ARHGEF7: variants seen among roughly 807,000 people sequenced by gnomAD.
ARHGEF7 encodes PAK-interacting exchange factor beta.
In ARHGEF7, 33 loss-of-function variants were observed where a neutral mutation model predicts 109.8. That is an observed-to-expected ratio of 0.30 (90% CI 0.23 to 0.40). ARHGEF7 has a LOEUF of 0.40. ARHGEF7 is among the 10% of genes least tolerant of loss of function. ARHGEF7 has a pLI of 1.00. For missense variants in ARHGEF7, 938 were observed against 1,098.5 expected (o/e 0.85, Z 2.07); for synonymous variants, 458 against 424.6 (o/e 1.08, Z -0.97).
At chr13:111,143,259 C>T (rs1377484336) in intron 1 of ARHGEF7, among the ~76,000 whole-genome samples, 1 of 152,194 alleles carries the variant, frequency 6.6e-6, no homozygotes, top group Non-Finnish European at 1.5e-5. Context: ...GAACAGACTG[C>T]TTGTGCTGAG....
intron 3 of ARHGEF7, among the ~76,000 whole-genome samples, chr13:111,206,104 T>C (rs1399487127): frequency 6.6e-6 from 1 of 152,090 alleles, no homozygotes; most frequent in Non-Finnish European, 1.5e-5. Context: ...AGAGTAATTT[T>C]TTTTTCCTAT....
chr13:111,267,992 A>C (rs2091811170), intron 9 of ARHGEF7, among the ~76,000 whole-genome samples: 2 of 152,208 alleles, frequency 1.3e-5, no homozygotes, highest in Admixed American at 1.3e-4. Context: ...AGTTCTTAAA[A>C]CTGGAAGTAC....
intron 1 of ARHGEF7, among the ~76,000 whole-genome samples, chr13:111,120,759 C>A (rs1036068431): frequency 2.0e-5 from 3 of 152,180 alleles, no homozygotes; most frequent in African/African-American, 7.2e-5. Context: ...AGATGTCTGC[C>A]CAGCATGGCA....
At chr13:111,275,397 C>T (rs574364374) in intron 11 of ARHGEF7, 135 bp from the exon 12 acceptor site, 54 of 1,009,400 alleles carry the variant, frequency 5.3e-5, no homozygotes, top group East Asian at 1.0e-4. Flanking sequence ...TTAAGCAAAT[C>T]GCTCAATAAA....
At chr13:111,237,050 G>A (rs745485629) in intron 6 of ARHGEF7, among the ~76,000 whole-genome samples, 1 of 152,162 alleles carries the variant, frequency 6.6e-6, no homozygotes, top group Non-Finnish European at 1.5e-5. Flanking sequence ...TCAAAGAGAG[G>A]GCTGGGGAGG....
intron 5 of ARHGEF7, among the ~76,000 whole-genome samples, chr13:111,221,712 T>TCTAG (rs2084426924): frequency 6.7e-6 from 1 of 148,632 alleles, no homozygotes; most frequent in African/African-American, 2.5e-5. Flanking sequence ...TCTATCTGTA[T>TCTAG]CTATCTATAT....
At chr13:111,176,654 G>A (rs941050806) in intron 2 of ARHGEF7, among the ~76,000 whole-genome samples, 9 of 152,304 alleles carry the variant, frequency 5.9e-5, no homozygotes, top group East Asian at 5.8e-4. Flanking sequence ...CCCCGCGTGC[G>A]GACGTTTGTC....
intron 19 of ARHGEF7, among the ~76,000 whole-genome samples, chr13:111,298,501 T>C (rs2093475902): frequency 6.6e-6 from 1 of 152,184 alleles, no homozygotes; most frequent in African/African-American, 2.4e-5. Context: ...CCGTGGCCTC[T>C]TGGAGCACAG....
rs74908434 is a variant in ARHGEF7 at position 111,251,351 on chromosome 13, G to A, written c.950+7057G>A. 3.6e-3 allele frequency among the ~76,000 whole-genome samples: 545 copies of A among 152,246 alleles called. 4 individuals carry two copies. Among genetic ancestry groups the A allele is most frequent in the Middle Eastern group, 6.8e-3 (2 of 294 alleles). On this transcript the variant is annotated intron_variant, in intron 8 of 21. Coordinates refer to ENST00000646102, the MANE Select transcript of ARHGEF7 (RefSeq NM_001354046.2). Reference sequence around the variant, plus strand: ...GAGAGGAGTGGAACAGTAGGAGCCCGGACGGGCAGGCGAGATCAGGTCCTG... The same window carrying A: ...GAGAGGAGTGGAACAGTAGGAGCCCAGACGGGCAGGCGAGATCAGGTCCTG...
At chr13:111,219,195 C>G (rs368232031) in intron 5 of ARHGEF7, among the ~76,000 whole-genome samples, 15 of 152,218 alleles carry the variant, frequency 9.9e-5, no homozygotes, top group Non-Finnish European at 1.8e-4. Context: ...AGCCCCTGCC[C>G]TCTACCATTC....
chr13:111,215,728 A>G (rs2083046399), intron 4 of ARHGEF7, among the ~76,000 whole-genome samples: 1 of 152,200 alleles, frequency 6.6e-6, no homozygotes, highest in Non-Finnish European at 1.5e-5. Flanking sequence ...ATTCAAACAC[A>G]TTAATTTTTC....
Position 111,275,684 on chromosome 13 carries a change from G to A in ARHGEF7, c.1419+6G>A, listed in dbSNP as rs2092433851. On this transcript the variant is annotated splice_donor_region_variant and intron_variant, in intron 12 of 21. Coordinates refer to ENST00000646102, the MANE Select transcript of ARHGEF7 (RefSeq NM_001354046.2). ...TTCAGTGTGCCGGAAGTGAGGTACT[G>A]CTGCCCACATGCACGCACCAGGGTT... 6.2e-7 allele frequency: 1 copy of A among 1,613,956 alleles called. No individual in the cohort carries two copies. The highest frequency in any genetic ancestry group is 1.7e-5 in the Admixed American group (1 of 60,010).
At chr13:111,147,850 A>G (rs1278020144) in intron 1 of ARHGEF7, among the ~76,000 whole-genome samples, 1 of 151,510 alleles carries the variant, frequency 6.6e-6, no homozygotes, top group Non-Finnish European at 1.5e-5. Context: ...GGCGCCCGCC[A>G]CTACACCCGG....
At chr13:111,179,032 C>T (rs1269624568) in intron 2 of ARHGEF7, among the ~76,000 whole-genome samples, 4 of 150,848 alleles carry the variant, frequency 2.7e-5, no homozygotes, top group East Asian at 1.9e-4. Context: ...GGTGAACATC[C>T]GTGTGCCCTT....
intron 2 of ARHGEF7, among the ~76,000 whole-genome samples, chr13:111,160,514 T>G (rs564370155): frequency 4.2e-4 from 64 of 152,330 alleles, no homozygotes; most frequent in Non-Finnish European, 8.8e-4. Context: ...GATCTCATCT[T>G]GAATTGTAAT....
At chr13:111,143,408 A>G (rs775281701) in intron 1 of ARHGEF7, 8 of 152,234 alleles carry the variant, frequency 5.3e-5, no homozygotes, top group Admixed American at 1.3e-4. Flanking sequence ...GGCAATAAGA[A>G]AATAATCACC....
In ARHGEF7 at chr13:111,225,384, G is replaced by A. The variant is rs549353243; in HGVS notation, c.670+7504G>A. ...CACCCACTCCCACAGCCCTGATCCAGGGAGAGGCGTTACTCACCTCCTCTC... is the reference window on the plus strand; with the variant it reads ...CACCCACTCCCACAGCCCTGATCCAAGGAGAGGCGTTACTCACCTCCTCTC... On this transcript the variant is annotated intron_variant, in intron 5 of 21. Transcript: ENST00000646102. 2.0e-5 allele frequency among the ~76,000 whole-genome samples: 3 copies of A among 152,236 alleles called. No homozygotes were observed. The East Asian group carries it at 5.8e-4, about 30-fold the overall frequency.
chr13:111,299,516 G>A (rs529518079), intron 19 of ARHGEF7, among the ~76,000 whole-genome samples: 1 of 151,912 alleles, frequency 6.6e-6, no homozygotes, highest in East Asian at 1.9e-4. Context: ...CTAATTTTTT[G>A]TATTTTTAGT....
At chr13:111,167,995 T>C (rs568707178) in intron 2 of ARHGEF7, among the ~76,000 whole-genome samples, 4 of 152,324 alleles carry the variant, frequency 2.6e-5, no homozygotes, top group South Asian at 2.1e-4. Context: ...TGTGGAGTTA[T>C]GGCAGGAGAG....
Sources: gnomAD v4.1 joint callset for allele counts (sites outside exome capture counted in the v4.1 genomes callset) on GRCh38, gnomAD v4.1.1 for gene constraint, MANE v1.5 for transcripts, NCBI Gene and HGNC (gene_info 2026-07-23, HGNC 2026-07-21) for gene names.